Variants in POLR2B observed in about 807,000 individuals in gnomAD.
POLR2B encodes DNA-directed RNA polymerase II subunit RPB2.
POLR2B carries 57 observed loss-of-function variants against 144.6 expected under a neutral mutation model. That is an observed-to-expected ratio of 0.39 (90% CI 0.32 to 0.49). The LOEUF is 0.49. Among genes scored for constraint, POLR2B ranks in the 20% least tolerant of loss-of-function variants. The pLI is 0.83. For missense variants in POLR2B, 595 were observed against 1,467.4 expected, an observed-to-expected ratio of 0.41 and a Z score of 9.71; for synonymous variants, 442 against 469.8, an observed-to-expected ratio of 0.94 and a Z score of 0.77.
intron 1 of POLR2B, among the ~76,000 whole-genome samples, chr4:56,980,088 A>ATT (rs1722109088): frequency 8.0e-6 from 1 of 124,578 alleles, no homozygotes; most frequent in South Asian, 2.6e-4. Context: ...GCAAAAGCTT[A>ATT]ATTTTTTTTT....
At chr4:57,019,380 T>G (rs1272701275) in intron 16 of POLR2B, among the ~76,000 whole-genome samples, 1 of 152,122 alleles carries the variant, frequency 6.6e-6, no homozygotes, top group Non-Finnish European at 1.5e-5. Context: ...AAATTCTTTT[T>G]TTTTTTGTAG....
chr4:57,014,102 T>C (rs1407240256), intron 13 of POLR2B, among the ~76,000 whole-genome samples: 1 of 152,230 alleles, frequency 6.6e-6, no homozygotes, highest in African/African-American at 2.4e-5. Context: ...TGTTCCTCCT[T>C]AAATTACTTT....
intron 13 of POLR2B, among the ~76,000 whole-genome samples, chr4:57,012,933 C>T (rs953545676): frequency 2.0e-5 from 3 of 152,058 alleles, no homozygotes; most frequent in Non-Finnish European, 2.9e-5. Context: ...GTCTGCCTCC[C>T]GGGTTCAAGC....
intron 2 of POLR2B, among the ~76,000 whole-genome samples, chr4:56,987,962 G>T (rs1304088115): frequency 6.6e-6 from 1 of 151,168 alleles, no homozygotes; most frequent in Non-Finnish European, 1.5e-5. Context: ...TGTGGTGTGT[G>T]CCTATATAGT....
chr4:56,994,633 T>C lies in POLR2B; in HGVS notation c.357-14T>C. On this transcript the variant is annotated splice_polypyrimidine_tract_variant and intron_variant, in intron 4 of 24. Coordinates refer to ENST00000314595, the MANE Select transcript of POLR2B (RefSeq NM_000938.3). ...ACCCTATTGCTTAACTGTGATCTAC[T>C]TTTATTTTCAAAGGTATTCTGCTCC... The C allele has an allele frequency of 6.4e-7, 1 of 1,572,898 alleles. No individual in the cohort carries two copies. Among genetic ancestry groups the C allele is most frequent in the Non-Finnish European group, 8.7e-7 (1 of 1,142,972 alleles).
At chr4:57,009,857 T>C (rs1446015355) in intron 10 of POLR2B, 1 of 152,266 alleles carries the variant, frequency 6.6e-6, no homozygotes, top group Non-Finnish European at 1.5e-5. Context: ...TATTATCTTA[T>C]TTATAAATAA....
In POLR2B at chr4:57,011,012, G is replaced by A; in HGVS notation, c.1712G>A (p.Gly571Asp). 1 of 1,613,946 alleles carries A rather than the reference G, an allele frequency of 6.2e-7. No individual in the cohort carries two copies. The highest frequency in any genetic ancestry group is 8.5e-7 in the Non-Finnish European group (1 of 1,179,902). ...IADATKIFVNGCWVGIHKDPE... is the reference protein window; with the variant it reads ...IADATKIFVNDCWVGIHKDPE... The stretch of plus-strand genomic sequence containing the variant: ...AGTGCAACCAAGATTTTTGTTAATG[G>A]CTGCTGGGTTGGAATACATAAAGAT... The change falls in exon 13 of 25, where the codon GGC becomes GAC. Residue 571 changes from glycine to aspartate, a missense_variant. Around this residue, in one of 9 missense-constraint regions of POLR2B, gnomAD observed 29 missense variants for 69.3 expected, o/e 0.42. Coordinates refer to ENST00000314595, the MANE Select transcript of POLR2B (RefSeq NM_000938.3).
In POLR2B at chr4:57,006,951, A is replaced by C; in HGVS notation, c.1353A>C (p.Gly451=). ...GCCTAAAATACTCTTTAGCTACTGG[A>C]AACTGGGGTGATCAAAAGAAAGCTC... ...SDGLKYSLAT[G]NWGDQKKAHQ... The change falls in exon 10 of 25, where the codon GGA becomes GGC. Residue 451 remains glycine, a synonymous_variant. Coordinates refer to ENST00000314595, the MANE Select transcript of POLR2B (RefSeq NM_000938.3). 5 of 1,614,120 alleles carry C rather than the reference A, an allele frequency of 3.1e-6. No individual in the cohort carries two copies. Among genetic ancestry groups the C allele is most frequent in the Non-Finnish European group, 4.2e-6 (5 of 1,179,950 alleles).
intron 9 of POLR2B, among the ~76,000 whole-genome samples, chr4:57,005,960 T>C (rs2109683208): frequency 6.6e-6 from 1 of 152,352 alleles, no homozygotes; most frequent in Middle Eastern, 3.4e-3. Context: ...CTTTGTAAGA[T>C]GTTTGAGAAA....
rs1471912705 is a variant in POLR2B, at chr4:57,010,403, C to T, written c.1447C>T (p.Arg483Cys). 7 of 1,613,694 alleles carry T rather than the reference C, an allele frequency of 4.3e-6. No homozygotes were observed. The highest frequency in any genetic ancestry group is 1.1e-5 in the South Asian group (1 of 91,078). Reference protein sequence around the residue: ...LTFASTLSHLRRLNSPIGRDG... With the variant: ...LTFASTLSHLCRLNSPIGRDG... ...TTTTGCGTCTACTCTTTCTCACCTG[C>T]GTCGTTTAAATTCTCCTATTGGTAG... The change falls in exon 11 of 25, where the codon CGT becomes TGT. Residue 483 changes from arginine (R) to cysteine (C), a missense_variant. This residue lies in a region of POLR2B where 251 missense variants were observed against 567.3 expected (regional missense o/e 0.44). Transcript: ENST00000314595.
At chr4:57,006,253 G>A (rs1421010032) in intron 9 of POLR2B, among the ~76,000 whole-genome samples, 1 of 152,162 alleles carries the variant, frequency 6.6e-6, no homozygotes, top group African/African-American at 2.4e-5. Flanking sequence ...GTATGTTATA[G>A]ATTAGTGTTT....
At chr4:56,991,184 G>C (rs553234302) in intron 3 of POLR2B, among the ~76,000 whole-genome samples, 2 of 152,248 alleles carry the variant, frequency 1.3e-5, no homozygotes, top group East Asian at 3.9e-4. Context: ...CATTGCTTTA[G>C]ATAGATAACC....
chr4:56,983,368 G>GTT (rs11315195), intron 1 of POLR2B, among the ~76,000 whole-genome samples: 3,881 of 71,274 alleles, frequency 0.054, 124 homozygotes, highest in Non-Finnish European at 0.074. Flanking sequence ...CTCTGCTCAG[G>GTT]TTTTTTTTTT....
intron 16 of POLR2B, among the ~76,000 whole-genome samples, chr4:57,018,633 A>G (rs1723440479): frequency 6.6e-6 from 1 of 152,192 alleles, no homozygotes; most frequent in Admixed American, 6.5e-5. Context: ...TAAGACGTGA[A>G]CTTCCAACAG....
Position 56,979,143 on chromosome 4 carries a change from G to C in POLR2B, c.19+139G>C, listed in dbSNP as rs1722072988. On this transcript the variant is annotated intron_variant, in intron 1 of 24. Transcript: ENST00000314595. ...GCCTTGTTCCCACACTTACCAGGCC[G>C]GGAACGAAACTGGGGTAGGGAGAGG... The C allele has an allele frequency of 6.6e-6, 6 of 914,806 alleles. No homozygotes were observed. The South Asian group carries it at 8.0e-5, about 12-fold the overall frequency. 56.7% of individuals were successfully genotyped at this position (914,806 alleles called of 1,614,324 possible).
At chr4:56,995,193 T>C in intron 5 of POLR2B, 58 bp from the exon 6 acceptor site, 3 of 1,308,022 alleles carry the variant, frequency 2.3e-6, no homozygotes, top group Non-Finnish European at 3.2e-6. Context: ...TTTTACTCTC[T>C]TTTCTCTTCA....
intron 10 of POLR2B, among the ~76,000 whole-genome samples, chr4:57,008,327 C>T (rs535645328): frequency 8.6e-5 from 13 of 152,000 alleles, no homozygotes; most frequent in Non-Finnish European, 1.3e-4. Context: ...CTCAGCCTCC[C>T]GAGTAGCTGG....
intron 23 of POLR2B, among the ~76,000 whole-genome samples, 167 bp from the exon 24 acceptor site, chr4:57,030,037 T>A (rs950580017): frequency 6.6e-6 from 1 of 152,174 alleles, no homozygotes; most frequent in Non-Finnish European, 1.5e-5. Context: ...GCACGTCAAA[T>A]AGTTGGTAGA....
intron 3 of POLR2B, among the ~76,000 whole-genome samples, chr4:56,991,186 T>C (rs981739076): frequency 2.0e-5 from 3 of 152,166 alleles, no homozygotes; most frequent in Non-Finnish European, 4.4e-5. Flanking sequence ...TTGCTTTAGA[T>C]AGATAACCCC....
Sources: allele counts gnomAD v4.1 joint callset (sites outside exome capture counted in the v4.1 genomes callset), GRCh38; gene constraint gnomAD v4.1.1; regional missense constraint gnomAD v4.1.1; transcripts MANE v1.5; gene names NCBI Gene and HGNC (gene_info 2026-07-23, HGNC 2026-07-21).